The following SEM1 variants were observed in gnomAD, a reference collection of about 807,000 sequenced individuals.
The protein encoded by SEM1 is 26S proteasome complex subunit SEM1.
In SEM1, 3 loss-of-function variants were observed where a neutral mutation model predicts 12.7. The observed-to-expected ratio is 0.24, with a 90% CI of 0.11 to 0.61. The LOEUF is 0.61. Ranked by LOEUF, SEM1 falls within the 20% of genes least tolerant of loss-of-function variation. The pLI is 0.88. For synonymous variants in SEM1, 30 were observed against 27.8 expected, an observed-to-expected ratio of 1.08 and a Z score of -0.25; for missense variants, 59 against 81.3, an observed-to-expected ratio of 0.73 and a Z score of 1.06.
chr7:96,515,883 G>A (rs114958671), intron 2 of SEM1, among the ~76,000 whole-genome samples: 1,678 of 152,126 alleles, frequency 0.011, 34 homozygotes, highest in African/African-American at 0.038. Context: ...TTGCGGGGTC[G>A]GGGACTGGGG....
chr7:96,594,152 G>A (rs114972150), intron 2 of SEM1, among the ~76,000 whole-genome samples: 2,576 of 152,090 alleles, frequency 0.017, 30 homozygotes, highest in Middle Eastern at 0.051. Flanking sequence ...GATAATGTCA[G>A]CCCCCAAAAA....
At chr7:96,548,649 C>T (rs1414878174) in intron 2 of SEM1, among the ~76,000 whole-genome samples, 2 of 152,054 alleles carry the variant, frequency 1.3e-5, no homozygotes, top group African/African-American at 4.8e-5. Flanking sequence ...TGTGATCAAC[C>T]GAACTATCTG....
intron 2 of SEM1, among the ~76,000 whole-genome samples, chr7:96,602,504 A>T (rs549557973): frequency 6.6e-6 from 1 of 152,168 alleles, no homozygotes; most frequent in Non-Finnish European, 1.5e-5. Flanking sequence ...TTACTCATTC[A>T]TATCACCTGC....
At chr7:96,542,924 C>G (rs983904995) in intron 2 of SEM1, among the ~76,000 whole-genome samples, 2 of 151,890 alleles carry the variant, frequency 1.3e-5, no homozygotes, top group Non-Finnish European at 2.9e-5. Context: ...CAAAATTACC[C>G]TACAATGTAA....
chr7:96,613,916 C>G (rs540950025), intron 2 of SEM1, among the ~76,000 whole-genome samples: 17 of 152,322 alleles, frequency 1.1e-4, no homozygotes, highest in African/African-American at 3.8e-4. Flanking sequence ...CATTTTGTAT[C>G]TATACCACAT....
At chr7:96,698,927 A>G (rs775212786) in intron 1 of SEM1, among the ~76,000 whole-genome samples, 2 of 152,070 alleles carry the variant, frequency 1.3e-5, no homozygotes, top group African/African-American at 2.4e-5. Context: ...TCCAGCATAA[A>G]TTTTTAAAAA....
At chr7:96,631,621 T>C (rs1213378960) in intron 2 of SEM1, among the ~76,000 whole-genome samples, 2 of 152,092 alleles carry the variant, frequency 1.3e-5, no homozygotes, top group Non-Finnish European at 2.9e-5. Flanking sequence ...ACCTGGGCAA[T>C]ACCTTTCAGG....
At chr7:96,672,766 T>A (rs371473718), downstream of SEM1, 9 of 152,332 alleles carry the variant, frequency 5.9e-5, no homozygotes, top group East Asian at 1.7e-3. Context: ...GCAATAACAC[T>A]TCCTCTTCTA....
rs947579852 is a variant in SEM1 at position 96,667,779 on chromosome 7, C to T, written c.170+27019G>A. Among the ~76,000 whole-genome samples the T allele has an allele frequency of 3.3e-5, 5 of 152,312 alleles. No individual in the cohort carries two copies. In the South Asian group the frequency reaches 1.0e-3, roughly 32 times the overall value. On this transcript the variant is annotated intron_variant, in intron 2 of 2. Transcript: ENST00000417009. Reference sequence around the variant, plus strand: ...TTAGTCCCAACGGCCTGAGCTTCCCCACAATATACACACCTAATACCACTT... The same window carrying T: ...TTAGTCCCAACGGCCTGAGCTTCCCTACAATATACACACCTAATACCACTT...
intron 2 of SEM1, among the ~76,000 whole-genome samples, chr7:96,563,466 A>G (rs958175229): frequency 9.9e-5 from 15 of 152,176 alleles, no homozygotes; most frequent in Non-Finnish European, 1.5e-5. Flanking sequence ...TAAATATAAA[A>G]TGAGACCAGT....
chr7:96,603,530 C>T (rs1486401099), intron 2 of SEM1, among the ~76,000 whole-genome samples: 1 of 152,126 alleles, frequency 6.6e-6, no homozygotes, highest in Admixed American at 6.5e-5. Flanking sequence ...CCCACCCAAC[C>T]TCCTCCCTGA....
intron 2 of SEM1, among the ~76,000 whole-genome samples, chr7:96,613,977 T>C (rs749238526): frequency 7.9e-5 from 12 of 152,360 alleles, no homozygotes; most frequent in African/African-American, 2.4e-4. Flanking sequence ...TTCTATATCT[T>C]GGCTATTGTG....
intron 2 of SEM1, among the ~76,000 whole-genome samples, chr7:96,660,086 A>G (rs1465983748): frequency 6.6e-6 from 1 of 152,128 alleles, no homozygotes; most frequent in Non-Finnish European, 1.5e-5. Flanking sequence ...GAGATAGTTG[A>G]GAATAAAAGG....
chr7:96,641,678 T>G (rs1389470156), intron 2 of SEM1, among the ~76,000 whole-genome samples: 3 of 152,050 alleles, frequency 2.0e-5, no homozygotes, highest in Non-Finnish European at 2.9e-5. Context: ...CTACCCCACT[T>G]CCTAGCCATG....
At chr7:96,697,544 T>C (rs967014027) in intron 1 of SEM1, among the ~76,000 whole-genome samples, 1 of 152,120 alleles carries the variant, frequency 6.6e-6, no homozygotes, top group Non-Finnish European at 1.5e-5. Context: ...TCATACTAAA[T>C]AGGGTTGCAA....
At chr7:96,524,089 A>G (rs1445432414) in intron 2 of SEM1, among the ~76,000 whole-genome samples, 3 of 152,060 alleles carry the variant, frequency 2.0e-5, no homozygotes, top group African/African-American at 7.2e-5. Context: ...CTTTTTGGAC[A>G]TGCTGCCATG....
intron 2 of SEM1, among the ~76,000 whole-genome samples, chr7:96,605,702 G>T (rs1231897717): frequency 1.3e-5 from 2 of 151,988 alleles, no homozygotes; most frequent in African/African-American, 2.4e-5. Flanking sequence ...AGTTCCTACT[G>T]ATACTTGGGG....
chr7:96,580,480 T>C (rs1806358346), intron 2 of SEM1, among the ~76,000 whole-genome samples: 1 of 151,650 alleles, frequency 6.6e-6, no homozygotes, highest in African/African-American at 2.4e-5. Context: ...TTTGGGTCTA[T>C]ACCCAGTAAT....
At chr7:96,597,125 T>A (rs1807020749) in intron 2 of SEM1, among the ~76,000 whole-genome samples, 1 of 152,222 alleles carries the variant, frequency 6.6e-6, no homozygotes, top group Non-Finnish European at 1.5e-5. Flanking sequence ...AAGTGTTTTC[T>A]CCTTTGCCAC....
Sources: gnomAD v4.1 joint callset for allele counts (sites outside exome capture counted in the v4.1 genomes callset) on GRCh38, gnomAD v4.1.1 for gene constraint, MANE v1.5 for transcripts, NCBI Gene and HGNC (gene_info 2026-07-23, HGNC 2026-07-21) for gene names.